Variants in USP54 observed in about 807,000 individuals in gnomAD.
The protein encoded by USP54 is ubiquitin carboxyl-terminal hydrolase 54.
In USP54, 87 loss-of-function variants were observed where a neutral mutation model predicts 170.5. The ratio of observed to expected loss-of-function variants is 0.51; its 90% CI spans 0.43 to 0.61. USP54 has a LOEUF of 0.61. USP54 is among the 20% of genes least tolerant of loss of function. The pLI, the probability that USP54 is intolerant of heterozygous loss-of-function variation, is 0.00. For missense variants in USP54, 1,786 were observed against 2,047.8 expected, an observed-to-expected ratio of 0.87 and a Z score of 2.47; for synonymous variants, 655 against 742.8, an observed-to-expected ratio of 0.88 and a Z score of 1.92.
chr10:73,582,541 G>A (rs1399509843), intron 1 of USP54, among the ~76,000 whole-genome samples: 4 of 152,042 alleles, frequency 2.6e-5, no homozygotes, highest in Admixed American at 1.3e-4. Flanking sequence ...ACAGGCATGC[G>A]CCACCATGCC....
chr10:73,603,038 T>C (rs10160201), intron 1 of USP54, among the ~76,000 whole-genome samples: 5,822 of 152,066 alleles, frequency 0.038, 348 homozygotes, highest in African/African-American at 0.13. Flanking sequence ...AAGAAAGAAC[T>C]CATCCCACCC....
chr10:73,557,166 G>A (rs1044626576), intron 4 of USP54, among the ~76,000 whole-genome samples: 2 of 152,124 alleles, frequency 1.3e-5, no homozygotes, highest in South Asian at 2.1e-4. Context: ...TACCCTGGGG[G>A]CCAGGGGTGT....
At chr10:73,510,264 G>A (rs1427540746) in intron 20 of USP54, among the ~76,000 whole-genome samples, 1 of 152,032 alleles carries the variant, frequency 6.6e-6, no homozygotes, top group African/African-American at 2.4e-5. Context: ...GAACCCGGGA[G>A]GCGGAGGTTG....
chr10:73,510,849 A>G (rs1374609023), intron 20 of USP54, among the ~76,000 whole-genome samples: 2 of 152,148 alleles, frequency 1.3e-5, no homozygotes, highest in Admixed American at 6.6e-5. Flanking sequence ...CCCAAGTTCA[A>G]AGTACAATGA....
chr10:73,509,993 A>G (rs1188098786), intron 20 of USP54, among the ~76,000 whole-genome samples: 1 of 152,170 alleles, frequency 6.6e-6, no homozygotes, highest in Non-Finnish European at 1.5e-5. Flanking sequence ...GTCTCAAAAA[A>G]TAAAATAAAA....
At chr10:73,577,896 G>A (rs1455522235) in intron 1 of USP54, among the ~76,000 whole-genome samples, 3 of 152,018 alleles carry the variant, frequency 2.0e-5, no homozygotes. Context: ...CCCCACTCAA[G>A]GCCACTAAGC....
intron 4 of USP54, among the ~76,000 whole-genome samples, chr10:73,551,777 G>C (rs2069426658): frequency 2.0e-5 from 3 of 152,120 alleles, no homozygotes; most frequent in Non-Finnish European, 2.9e-5. Flanking sequence ...ATCCAAAATT[G>C]GTTCCAAAAC....
At position 73,516,421 on chromosome 10, in the gene USP54, A is replaced by G. The variant is rs1178894189; in HGVS notation, c.4005T>C (p.Ser1335=). 5.0e-6 allele frequency: 8 copies of G among 1,613,086 alleles called. No individual in the cohort carries two copies. In the South Asian group the frequency reaches 8.8e-5, roughly 18 times the overall value. Residue 1335 remains serine (S), a synonymous_variant, in exon 20 of 24, where the codon TCT becomes TCC. Coordinates refer to ENST00000687698, the MANE Select transcript of USP54 (RefSeq NM_001391956.1). Reference sequence around the variant, plus strand: ...AGGCGGTATCCTGCTGCCCCCATCCAGAACAGCCAGCTTGAGAAGCCTGAA... The same window carrying G: ...AGGCGGTATCCTGCTGCCCCCATCCGGAACAGCCAGCTTGAGAAGCCTGAA... ...ASLQASQAGC[S]GWGQQDTAWH... is the part of the protein sequence containing the mutation.
upstream of USP54, among the ~76,000 whole-genome samples, chr10:73,595,145 C>G (rs533881558): frequency 2.5e-3 from 341 of 138,216 alleles, 1 homozygote; most frequent in African/African-American, 9.7e-3. Flanking sequence ...AGGCTGGTCT[C>G]AAACTCCTGA....
At chr10:73,519,718 A>G (rs2061614603) in intron 19 of USP54, 79 bp downstream of exon 19, 5 of 1,587,948 alleles carry the variant, frequency 3.1e-6, no homozygotes, top group Non-Finnish European at 4.3e-6. Context: ...CGCCAAGACA[A>G]TGAGAGCTCT....
chr10:73,587,225 G>A (rs1417130674), intron 1 of USP54, among the ~76,000 whole-genome samples: 1 of 151,830 alleles, frequency 6.6e-6, no homozygotes, highest in Admixed American at 6.6e-5. Flanking sequence ...TGTAATCCCA[G>A]CACTTTGGGA....
intron 20 of USP54, among the ~76,000 whole-genome samples, chr10:73,509,956 C>A (rs1326718958): frequency 6.6e-6 from 1 of 151,942 alleles, no homozygotes; most frequent in Admixed American, 6.6e-5. Flanking sequence ...CCACTGCATT[C>A]CAGTCTGGGC....
intron 10 of USP54, 41 bp downstream of exon 10, chr10:73,539,403 G>A: frequency 1.4e-6 from 2 of 1,429,470 alleles, no homozygotes; most frequent in Non-Finnish European, 9.2e-7. Flanking sequence ...CTTTTTTTTT[G>A]TAGTCACCAA....
chr10:73,603,967 G>T (rs2079410596), intron 1 of USP54, among the ~76,000 whole-genome samples: 1 of 151,516 alleles, frequency 6.6e-6, no homozygotes, highest in Non-Finnish European at 1.5e-5. Context: ...AAAAAAAAAG[G>T]TGGCCAGGCA....
chr10:73,498,839 C>G lies in USP54; in HGVS notation c.4845G>C (p.Arg1615Ser). 6.2e-7 allele frequency: 1 copy of G among 1,613,006 alleles called. No individual in the cohort carries two copies. Among genetic ancestry groups the G allele is most frequent in the Non-Finnish European group, 8.5e-7 (1 of 1,179,418 alleles). The change falls in exon 24 of 24, where the codon AGG (arginine) becomes AGC (serine). Residue 1615 changes from arginine to serine, a missense_variant. This residue lies in a region of USP54 where 1,418 missense variants were observed against 1,569.0 expected (regional missense o/e 0.90). Transcript: ENST00000687698. ...GAACAGGATCTGAATTCCAAGCTGA[C>G]CTCAGGGGTACATGAAGACTGCTAG... ...PPSSSLHVPL[R>S]SAWNSDPVPG...
At chr10:73,590,971 T>A (rs2078178562) in intron 1 of USP54, among the ~76,000 whole-genome samples, 1 of 151,990 alleles carries the variant, frequency 6.6e-6, no homozygotes, top group African/African-American at 2.4e-5. Context: ...TTCTTGCCTT[T>A]AATTCTAAGG....
At chr10:73,622,024 A>G (rs1334317649) in intron 1 of USP54, among the ~76,000 whole-genome samples, 2 of 152,138 alleles carry the variant, frequency 1.3e-5, no homozygotes, top group African/African-American at 2.4e-5. Context: ...CACTTCCTCC[A>G]TACCAAGACT....
At position 73,530,195 on chromosome 10, in the gene USP54, G is replaced by C; in HGVS notation, c.1776C>G (p.Asp592Glu). 9 of 1,613,994 alleles carry C rather than the reference G, an allele frequency of 5.6e-6. No individual in the cohort carries two copies. The highest frequency in any genetic ancestry group is 7.6e-6 in the Non-Finnish European group (9 of 1,180,028). The change falls in exon 14 of 24, where the codon GAC becomes GAG. Residue 592 changes from aspartate (D) to glutamate (E), a missense_variant. Transcript: ENST00000687698. ...GGGTATAGCCACAGTGCTTCCTTTT[G>C]TCCTTACTAAAGATACTGTCAATAT... Reference protein sequence around the residue: ...SLNIDSIFSKDKRKHCGYTQL... With the variant: ...SLNIDSIFSKEKRKHCGYTQL...
Position 73,498,167 on chromosome 10 carries a change from G to A in USP54, c.*462C>T, listed in dbSNP as rs1047141057. 6.6e-6 allele frequency: 1 copy of A among 152,482 alleles called. No individual in the cohort carries two copies. Among genetic ancestry groups the A allele is most frequent in the African/African-American group, 2.4e-5 (1 of 41,420 alleles). 9.4% of individuals were successfully genotyped at this position (152,482 alleles called of 1,614,324 possible). A position where few individuals can be genotyped will look rare whatever the true frequency, so the allele number is the denominator to read the frequency against. On this transcript the variant is annotated 3_prime_UTR_variant, in exon 24 of 24. Coordinates refer to ENST00000687698, the MANE Select transcript of USP54 (RefSeq NM_001391956.1). ...TCCCAAAGAATCACATCTTTTTAGA[G>A]GTTCCTGACACCCTTAGGAGAACCC...
Sources: allele counts gnomAD v4.1 joint callset (sites outside exome capture counted in the v4.1 genomes callset), GRCh38; gene constraint gnomAD v4.1.1; regional missense constraint gnomAD v4.1.1; transcripts MANE v1.5; gene names NCBI Gene and HGNC (gene_info 2026-07-23, HGNC 2026-07-21).